MCCD1: variants seen among roughly 807,000 people sequenced by gnomAD.
The protein encoded by MCCD1 is mitochondrial coiled-coil domain 1, also known as mitochondrial coiled-coil domain protein 1.
MCCD1 carries 5 observed loss-of-function variants against 5.6 expected under a neutral mutation model. The observed-to-expected ratio is 0.89, with a 90% confidence interval of 0.46 to 1.87. The LOEUF (loss-of-function observed/expected upper bound fraction) is 1.87, where lower values mean the gene tolerates loss of function less well. Among genes scored for constraint, MCCD1 ranks in the 40% most tolerant of loss-of-function variants. The probability of loss-of-function intolerance (pLI) is 0.01; values close to 1 mark genes in which losing one functional copy is unlikely to be tolerated. For synonymous variants in MCCD1, 70 were observed against 57.3 expected (o/e 1.22, Z -1.00); for missense variants, 178 against 141.8 (o/e 1.26, Z -1.30).
At position 31,529,159 on chromosome 6, in the gene MCCD1, A is replaced by G. The variant is rs1403146656; in HGVS notation, c.145A>G (p.Asn49Asp). The G allele has an allele frequency of 6.2e-7, 1 of 1,612,552 alleles. No homozygotes were observed. Among genetic ancestry groups the G allele is most frequent in the South Asian group, 1.1e-5 (1 of 91,044 alleles). ...GGAAGAGCAGACCAGCTCCAGAGGAAATGGGAAGATGACGTCCCCTCCCAG... is the reference window on the plus strand; with the variant it reads ...GGAAGAGCAGACCAGCTCCAGAGGAGATGGGAAGATGACGTCCCCTCCCAG... ...SMEEQTSSRG[N>D]GKMTSPPRGP... The change falls in exon 1 of 2, where the codon AAT becomes GAT. Residue 49 changes from asparagine to aspartate, a missense_variant. Coordinates refer to ENST00000376191, the MANE Select transcript of MCCD1 (RefSeq NM_001011700.3).
chr6:31,528,995 T>G lies in MCCD1; in HGVS notation c.-20T>G. The G allele has an allele frequency of 6.2e-7, 1 of 1,608,624 alleles. No homozygotes were observed. Among genetic ancestry groups the G allele is most frequent in the Non-Finnish European group, 8.5e-7 (1 of 1,177,360 alleles). On this transcript the variant is annotated 5_prime_UTR_variant, in exon 1 of 2. Coordinates refer to ENST00000376191, the MANE Select transcript of MCCD1 (RefSeq NM_001011700.3). ...GTGGCCGTTGGACAGCTCACACAGCTCCCTGCCAGGTCACCCGCCATGGTC... is the reference window on the plus strand; with the variant it reads ...GTGGCCGTTGGACAGCTCACACAGCGCCCTGCCAGGTCACCCGCCATGGTC...
At chr6:31,529,297 GCT>G in intron 1 of MCCD1, 112 bp downstream of exon 1, 2 of 1,179,330 alleles carry the variant, frequency 1.7e-6, no homozygotes, top group Non-Finnish European at 2.3e-6. Flanking sequence ...TACCCCTGCA[GCT>G]CTTTTCTTAG....
chr6:31,529,828 C>T lies in MCCD1; in HGVS notation c.253C>T (p.Leu85Phe), dbSNP rs1353747266. 1 of 1,598,810 alleles carries T rather than the reference C, an allele frequency of 6.3e-7. No homozygotes were observed. Among genetic ancestry groups the T allele is most frequent in the Non-Finnish European group, 8.5e-7 (1 of 1,174,172 alleles). ...EQQLELYQAL[L>F]EGQEGAWEAQ... ...GCAGCTGGAGCTGTACCAGGCCCTCCTTGAAGGGCAGGAGGGAGCCTGGGA... is the reference window on the plus strand; with the variant it reads ...GCAGCTGGAGCTGTACCAGGCCCTCTTTGAAGGGCAGGAGGGAGCCTGGGA... The change falls in exon 2 of 2, where the codon CTT becomes TTT. Residue 85 changes from leucine (L) to phenylalanine (F), a missense_variant. Coordinates refer to ENST00000376191, the MANE Select transcript of MCCD1 (RefSeq NM_001011700.3).
At chr6:31,529,238 T>TG (rs1261442043) in intron 1 of MCCD1, 53 bp downstream of exon 1, 8 of 1,563,144 alleles carry the variant, frequency 5.1e-6, no homozygotes, top group East Asian at 4.6e-5. Context: ...CACTGGGGTG[T>TG]GGGAAAAAAA....
At position 31,529,746 on chromosome 6, in the gene MCCD1, G is replaced by C; in HGVS notation, c.172-1G>C. 1.4e-6 allele frequency: 2 copies of C among 1,458,084 alleles called. No homozygotes were observed. Among genetic ancestry groups the C allele is most frequent in the South Asian group, 1.5e-5 (1 of 68,262 alleles). The allele number at this position is 1,458,084 out of a possible 1,614,324, so 90.3% of individuals were successfully genotyped here. A position where few individuals can be genotyped will look rare whatever the true frequency, so the allele number is the denominator to read the frequency against. On this transcript the variant is annotated splice_acceptor_variant, in intron 1 of 1. Coordinates refer to ENST00000376191, the MANE Select transcript of MCCD1 (RefSeq NM_001011700.3). LOFTEE classifies it high-confidence loss of function. ...GCTCCCTCCCTTAATTCCCTGACCA[G>C]GGCCCTGGGACCCACCGCACAGCTG...
intron 1 of MCCD1, 95 bp from the exon 2 acceptor site, chr6:31,529,652 G>C: frequency 2.3e-6 from 3 of 1,323,442 alleles, no homozygotes; most frequent in Non-Finnish European, 2.0e-6. Flanking sequence ...AGGGAAGGTG[G>C]AATTTCTCAC....
intron 1 of MCCD1, 30 bp downstream of exon 1, chr6:31,529,215 G>T: frequency 6.2e-7 from 1 of 1,603,294 alleles, no homozygotes. Flanking sequence ...GGAACAGAGG[G>T]TGTGAGAATT....
Position 31,530,012 on chromosome 6 carries a change from C to A in MCCD1, c.*77C>A. 1 of 1,429,784 alleles carries A rather than the reference C, an allele frequency of 7.0e-7. No homozygotes were observed. The highest frequency in any genetic ancestry group is 9.2e-7 in the Non-Finnish European group (1 of 1,087,242). 88.6% of individuals were successfully genotyped at this position (1,429,784 alleles called of 1,614,324 possible). A position where few individuals can be genotyped will look rare whatever the true frequency, so the allele number is the denominator to read the frequency against. On this transcript the variant is annotated 3_prime_UTR_variant, in exon 2 of 2. Coordinates refer to ENST00000376191, the MANE Select transcript of MCCD1 (RefSeq NM_001011700.3). This position sits in a 1 kb window ranked among gnomAD's most constrained non-coding sequence, Gnocchi z 4.5. The stretch of plus-strand genomic sequence containing the variant: ...CCACCAGGAGCCTTGGGATCATAAA[C>A]ACCCCAGCGTCTTCCCAGGCCAGAG...
At chr6:31,529,290 C>A in intron 1 of MCCD1, 105 bp downstream of exon 1, 6 of 1,195,278 alleles carry the variant, frequency 5.0e-6, no homozygotes, top group South Asian at 4.6e-5. Flanking sequence ...CCATGCCTAC[C>A]CCTGCAGCTC....
intron 1 of MCCD1, 83 bp from the exon 2 acceptor site, chr6:31,529,664 T>G: frequency 5.2e-6 from 7 of 1,353,952 alleles, no homozygotes; most frequent in Non-Finnish European, 6.7e-6. Context: ...ATTTCTCACT[T>G]CCAGCCACAG....
Position 31,530,194 on chromosome 6 carries a change from CAAATACAATA to C in MCCD1, c.*262_*271del, listed in dbSNP as rs1766993441. 1.3e-6 allele frequency: 1 copy of C among 795,984 alleles called. No homozygotes were observed. The highest frequency in any genetic ancestry group is 1.8e-5 in the African/African-American group (1 of 57,046). 49.3% of individuals were successfully genotyped at this position (795,984 alleles called of 1,614,324 possible). The stretch of plus-strand genomic sequence containing the variant: ...ACCATGCCCTAAAATAACCTCACCC[CAAATACAATA>C]AAGGGACGAAGCACTTATAGATACC... On this transcript the variant is annotated 3_prime_UTR_variant, in exon 2 of 2. Coordinates refer to ENST00000376191, the MANE Select transcript of MCCD1 (RefSeq NM_001011700.3). The surrounding 1 kb of genome is among the most constrained non-coding windows in gnomAD (Gnocchi z 4.5).
Position 31,529,990 on chromosome 6 carries a change from C to T in MCCD1, c.*55C>T. ...GCGCTGAAAATACACGCACCACCCA[C>T]CAGGAGCCTTGGGATCATAAACACC... is the stretch of plus-strand genomic sequence containing the variant. On this transcript the variant is annotated 3_prime_UTR_variant, in exon 2 of 2. Transcript: ENST00000376191. 1 of 1,436,042 alleles carries T rather than the reference C, an allele frequency of 7.0e-7. No individual in the cohort carries two copies. Among genetic ancestry groups the T allele is most frequent in the South Asian group, 1.5e-5 (1 of 67,410 alleles). The allele number at this position is 1,436,042 out of a possible 1,614,324, so 89.0% of individuals were successfully genotyped here. A position where few individuals can be genotyped will look rare whatever the true frequency, so the allele number is the denominator to read the frequency against.
Position 31,529,830 on chromosome 6 carries a change from T to C in MCCD1, c.255T>C (p.Leu85=). 1 of 1,597,900 alleles carries C rather than the reference T, an allele frequency of 6.3e-7. No homozygotes were observed. The highest frequency in any genetic ancestry group is 1.1e-5 in the South Asian group (1 of 88,562). The part of the protein sequence containing the change: ...EQQLELYQAL[L]EGQEGAWEAQ... ...AGCTGGAGCTGTACCAGGCCCTCCT[T>C]GAAGGGCAGGAGGGAGCCTGGGAGG... Residue 85 remains leucine (L), a synonymous_variant, in exon 2 of 2, where the codon CTT becomes CTC. Coordinates refer to ENST00000376191, the MANE Select transcript of MCCD1 (RefSeq NM_001011700.3).
Position 31,529,769 on chromosome 6 carries a change from C to T in MCCD1, c.194C>T (p.Ala65Val). The T allele has an allele frequency of 1.3e-6, 2 of 1,537,786 alleles. No individual in the cohort carries two copies. The highest frequency in any genetic ancestry group is 1.4e-5 in the African/African-American group (1 of 72,386). Reference sequence around the variant, plus strand: ...CAGGGCCCTGGGACCCACCGCACAGCTGAGCTGGCCCGAGCTGAAGAGTTG... The same window carrying T: ...CAGGGCCCTGGGACCCACCGCACAGTTGAGCTGGCCCGAGCTGAAGAGTTG... ...PPRGPGTHRT[A>V]ELARAEELLE... Residue 65 changes from alanine to valine, a missense_variant, in exon 2 of 2, where the codon GCT (alanine) becomes GTT (valine). Transcript: ENST00000376191.
In MCCD1 at chr6:31,529,173, GT is replaced by G; in HGVS notation, c.160del (p.Ser54ProfsTer51). The G allele has an allele frequency of 6.2e-7, 1 of 1,612,362 alleles. No homozygotes were observed. Among genetic ancestry groups the G allele is most frequent in the Non-Finnish European group, 8.5e-7 (1 of 1,179,698 alleles). On this transcript the variant is annotated frameshift_variant, in exon 1 of 2. Transcript: ENST00000376191. LOFTEE classifies it low-confidence loss of function (END_TRUNC). ...TSSRGNGKMT[S>X]PPRGPGTHRT... Reference sequence around the variant, plus strand: ...GCTCCAGAGGAAATGGGAAGATGACGTCCCCTCCCAGGGTAAGTGGCACCAC... The same window carrying G: ...GCTCCAGAGGAAATGGGAAGATGACGCCCCTCCCAGGGTAAGTGGCACCAC...
rs1466885630 is a variant in MCCD1 at position 31,530,148 on chromosome 6, C to T, written c.*213C>T. Reference sequence around the variant, plus strand: ...TCTCACAGCAGGCAGGGCACCCAGGCCTTATAGGAATTCACCCTGGACCAT... The same window carrying T: ...TCTCACAGCAGGCAGGGCACCCAGGTCTTATAGGAATTCACCCTGGACCAT... On this transcript the variant is annotated 3_prime_UTR_variant, in exon 2 of 2. Transcript: ENST00000376191. The surrounding 1 kb of genome is among the most constrained non-coding windows in gnomAD (Gnocchi z 4.5). 2 of 1,022,902 alleles carry T rather than the reference C, an allele frequency of 2.0e-6. No individual in the cohort carries two copies. Among genetic ancestry groups the T allele is most frequent in the Non-Finnish European group, 2.7e-6 (2 of 729,028 alleles). The allele number at this position is 1,022,902 out of a possible 1,614,324, so 63.4% of individuals were successfully genotyped here.
At chr6:31,529,701 A>T (rs3093980) in intron 1 of MCCD1, 46 bp from the exon 2 acceptor site, 1 of 1,397,664 alleles carries the variant, frequency 7.2e-7, no homozygotes, top group African/African-American at 1.5e-5. Context: ...CCAGGGCCTC[A>T]GCCCCCTGCC....
rs2259435 is a variant in MCCD1, at chr6:31,529,138, G to A, written c.124G>A (p.Glu42Lys). 0.17 allele frequency: 271,205 copies of A among 1,611,260 alleles called. 23,750 individuals carry two copies. Among genetic ancestry groups the A allele is most frequent in the South Asian group, 0.26 (23,637 of 91,046 alleles). Residue 42 changes from glutamate (E) to lysine (K), a missense_variant, in exon 1 of 2, where the codon GAG becomes AAG. Glu to Lys is a moderately conservative substitution (Grantham distance 56). Coordinates refer to ENST00000376191, the MANE Select transcript of MCCD1 (RefSeq NM_001011700.3). ...CSQNPKASME[E>K]QTSSRGNGKM... Reference sequence around the variant, plus strand: ...CCAAAACCCCAAAGCAAGCATGGAAGAGCAGACCAGCTCCAGAGGAAATGG... The same window carrying A: ...CCAAAACCCCAAAGCAAGCATGGAAAAGCAGACCAGCTCCAGAGGAAATGG...
In MCCD1 at chr6:31,529,925, G is replaced by C; in HGVS notation, c.350G>C (p.Gly117Ala). The C allele has an allele frequency of 6.6e-7, 1 of 1,523,524 alleles. No individual in the cohort carries two copies. The highest frequency in any genetic ancestry group is 8.8e-7 in the Non-Finnish European group (1 of 1,130,432). The allele number at this position is 1,523,524 out of a possible 1,614,324, so 94.4% of individuals were successfully genotyped here. A position where few individuals can be genotyped will look rare whatever the true frequency, so the allele number is the denominator to read the frequency against. The stretch of plus-strand genomic sequence containing the variant: ...AGGAGGCACCAAGAGAGCCTTGGAG[G>C]AGGCGCCTAAGTTTCCCCCAGTGCC... The part of the protein sequence containing the change: ...QMRRHQESLG[G>A]GA The change falls in exon 2 of 2, where the codon GGA becomes GCA. Residue 117 changes from glycine (G) to alanine (A), a missense_variant. Gly to Ala is a moderately conservative substitution (Grantham distance 60, BLOSUM62 0). Coordinates refer to ENST00000376191, the MANE Select transcript of MCCD1 (RefSeq NM_001011700.3).
Sources: gnomAD v4.1 joint callset for allele counts on GRCh38, gnomAD v4.1.1 for gene constraint, Gnocchi (gnomAD v3.1) non-coding constraint, MANE v1.5 for transcripts, NCBI Gene and HGNC (gene_info 2026-07-23, HGNC 2026-07-21) for gene names.